PITPNB: variants seen among roughly 807,000 people sequenced by gnomAD.
PITPNB encodes phosphatidylinositol transfer protein beta.
In PITPNB, 16 loss-of-function variants were observed where a neutral mutation model predicts 45.9. That is an observed-to-expected ratio of 0.35 (90% CI 0.24 to 0.53). The LOEUF is 0.53. PITPNB is among the 20% of genes least tolerant of loss of function. The pLI is 0.93. For synonymous variants in PITPNB, 112 were observed against 108.9 expected, an observed-to-expected ratio of 1.03 and a Z score of -0.18; for missense variants, 188 against 330.5, an observed-to-expected ratio of 0.57 and a Z score of 3.34.
intron 6 of PITPNB, 136 bp downstream of exon 6, chr22:27,896,416 C>T (rs1569026231): frequency 5.9e-6 from 4 of 683,174 alleles, no homozygotes; most frequent in South Asian, 3.2e-5. Context: ...GCTGCTTGCC[C>T]GCCTCATCTC....
chr22:27,863,391 T>G (rs1392108572), intron 8 of PITPNB, among the ~76,000 whole-genome samples: 1 of 152,190 alleles, frequency 6.6e-6, no homozygotes, highest in Non-Finnish European at 1.5e-5. Flanking sequence ...TACATATCCT[T>G]GACATCCAAT....
At chr22:27,882,226 G>T (rs979483313) in intron 7 of PITPNB, among the ~76,000 whole-genome samples, 1 of 151,966 alleles carries the variant, frequency 6.6e-6, no homozygotes, top group African/African-American at 2.4e-5. Context: ...TGTTTAAAAA[G>T]AGCAAAATAC....
intron 8 of PITPNB, among the ~76,000 whole-genome samples, chr22:27,868,023 G>A (rs1287832660): frequency 6.6e-6 from 1 of 152,120 alleles, no homozygotes; most frequent in Admixed American, 6.5e-5. Context: ...AGCCATGCTT[G>A]AAGGTCTGCT....
At chr22:27,872,064 T>C (rs1420050660) in intron 8 of PITPNB, among the ~76,000 whole-genome samples, 1 of 145,238 alleles carries the variant, frequency 6.9e-6, no homozygotes, top group African/African-American at 2.5e-5. Flanking sequence ...TGCAGAACCG[T>C]GAGCCAATTA....
rs2146341101 is a variant in PITPNB, at chr22:27,853,623, C to A, written c.*79G>T. 2 of 1,550,906 alleles carry A rather than the reference C, an allele frequency of 1.3e-6. No homozygotes were observed. Among genetic ancestry groups the A allele is most frequent in the East Asian group, 2.4e-5 (1 of 40,922 alleles). On this transcript the variant is annotated 3_prime_UTR_variant, in exon 12 of 12. Transcript: ENST00000335272. The stretch of plus-strand genomic sequence containing the variant: ...TGGTCAGATTCTTCTTCACTCATCA[C>A]TGGCTGCGCTTGTTCCCCTCACTTG...
At chr22:27,901,992 G>A (rs973487157) in intron 3 of PITPNB, among the ~76,000 whole-genome samples, 3 of 152,174 alleles carry the variant, frequency 2.0e-5, no homozygotes, top group Admixed American at 1.3e-4. Flanking sequence ...GCCAGGGGCT[G>A]TGTAAATAAT....
intron 7 of PITPNB, among the ~76,000 whole-genome samples, chr22:27,879,676 T>C (rs1411140086): frequency 6.6e-6 from 1 of 152,210 alleles, no homozygotes; most frequent in African/African-American, 2.4e-5. Context: ...TGTTAAACAT[T>C]ACATATTTTA....
chr22:27,869,347 T>A (rs1399616917), intron 8 of PITPNB, among the ~76,000 whole-genome samples: 1 of 152,182 alleles, frequency 6.6e-6, no homozygotes, highest in Non-Finnish European at 1.5e-5. Flanking sequence ...TGTAGTTTTT[T>A]AAAAATAAAA....
chr22:27,907,798 A>C (rs1029632504), intron 3 of PITPNB, among the ~76,000 whole-genome samples: 5 of 152,024 alleles, frequency 3.3e-5, no homozygotes, highest in African/African-American at 1.2e-4. Flanking sequence ...CCATTCTGTC[A>C]CTTATTAGCT....
chr22:27,896,812 C>T (rs1389388062), intron 5 of PITPNB, 186 bp from the exon 6 acceptor site: 1 of 608,324 alleles, frequency 1.6e-6, no homozygotes, highest in Non-Finnish European at 2.9e-6. Flanking sequence ...ATGCTACATG[C>T]TTTTAAATAA....
chr22:27,879,268 C>G (rs373212155), intron 7 of PITPNB, among the ~76,000 whole-genome samples: 30 of 152,180 alleles, frequency 2.0e-4, no homozygotes, highest in African/African-American at 6.5e-4. Flanking sequence ...AGAAAGAAAT[C>G]AGAATTTCAG....
At chr22:27,914,165 C>T in intron 2 of PITPNB, 152 bp downstream of exon 2, 1 of 637,236 alleles carries the variant, frequency 1.6e-6, no homozygotes, top group South Asian at 1.7e-5. Flanking sequence ...ATTCATTTTG[C>T]AATTCTTTGC....
chr22:27,862,301 CCA>C (rs1275318973), intron 8 of PITPNB, among the ~76,000 whole-genome samples: 2 of 152,124 alleles, frequency 1.3e-5, no homozygotes, highest in Non-Finnish European at 2.9e-5. Flanking sequence ...ACATTTTTCC[CCA>C]TTATCTACCA....
At chr22:27,877,704 C>T (rs1303436595) in intron 7 of PITPNB, among the ~76,000 whole-genome samples, 1 of 152,168 alleles carries the variant, frequency 6.6e-6, no homozygotes, top group Non-Finnish European at 1.5e-5. Context: ...CTGAGCCAAA[C>T]TAAATGTCCC....
intron 10 of PITPNB, among the ~76,000 whole-genome samples, chr22:27,856,839 A>T (rs1175843504): frequency 6.6e-6 from 1 of 152,196 alleles, no homozygotes; most frequent in African/African-American, 2.4e-5. Flanking sequence ...AGCCTTGGGC[A>T]CTTGGAGGGA....
In PITPNB at chr22:27,897,788, G is replaced by A; in HGVS notation, c.289+13C>T. ...GGTGGAGGGGTGCAATGGCTGCTGG[G>A]GGCCAAGCTTACTTGTTCTACAGTA... On this transcript the variant is annotated intron_variant, in intron 4 of 11. Coordinates refer to ENST00000335272, the MANE Select transcript of PITPNB (RefSeq NM_012399.5). The A allele has an allele frequency of 6.3e-7, 1 of 1,583,088 alleles. No individual in the cohort carries two copies.
intron 3 of PITPNB, among the ~76,000 whole-genome samples, chr22:27,901,556 A>C (rs1935594445): frequency 6.6e-6 from 1 of 152,160 alleles, no homozygotes. Flanking sequence ...TCTCTTCACT[A>C]GTCAGGAAAA....
chr22:27,890,104 CAG>C (rs1935230721), intron 7 of PITPNB, among the ~76,000 whole-genome samples: 1 of 151,916 alleles, frequency 6.6e-6, no homozygotes, highest in African/African-American at 2.4e-5. Flanking sequence ...CAAGGATGTG[CAG>C]AAGAAAAGAG....
At chr22:27,887,461 C>T (rs904351676) in intron 7 of PITPNB, among the ~76,000 whole-genome samples, 1 of 151,942 alleles carries the variant, frequency 6.6e-6, no homozygotes, top group African/African-American at 2.4e-5. Context: ...GGCCATTCAA[C>T]CATCCAACCT....
Sources: allele counts gnomAD v4.1 joint callset (sites outside exome capture counted in the v4.1 genomes callset), GRCh38; gene constraint gnomAD v4.1.1; transcripts MANE v1.5; gene names NCBI Gene and HGNC (gene_info 2026-07-23, HGNC 2026-07-21).